Variants in PLXNA4 observed in about 807,000 individuals in gnomAD.
PLXNA4 encodes the protein plexin A4, also known as plexin-A4.
Under a neutral mutation model 191.8 loss-of-function variants are expected in PLXNA4, and 44 were observed. The ratio of observed to expected loss-of-function variants is 0.23; its 90% CI spans 0.18 to 0.29. The LOEUF is 0.29. PLXNA4 is among the 10% of genes least tolerant of loss of function. PLXNA4 has a pLI of 1.00. For missense variants in PLXNA4, 1,800 were observed against 2,488.8 expected (o/e 0.72, Z 5.89); for synonymous variants, 1,082 against 1,009.5 (o/e 1.07, Z -1.36).
intron 24 of PLXNA4, among the ~76,000 whole-genome samples, chr7:132,163,506 G>A (rs2116644557): frequency 6.6e-6 from 1 of 152,290 alleles, no homozygotes; most frequent in South Asian, 2.1e-4. Context: ...GCAGAGCCAG[G>A]GCTCAAATCC....
intron 3 of PLXNA4, among the ~76,000 whole-genome samples, chr7:132,326,108 G>C (rs564529624): frequency 6.6e-6 from 1 of 152,258 alleles, no homozygotes; most frequent in Middle Eastern, 3.4e-3. Flanking sequence ...GTGAGGGGGG[G>C]TCTCTACCAA....
chr7:132,377,566 G>A (rs1406850417), intron 3 of PLXNA4, among the ~76,000 whole-genome samples: 1 of 152,122 alleles, frequency 6.6e-6, no homozygotes, highest in East Asian at 1.9e-4. Flanking sequence ...CATCTGATTG[G>A]GCAGCACAGA....
chr7:132,163,601 C>A (rs1796012762), intron 24 of PLXNA4, among the ~76,000 whole-genome samples: 1 of 152,158 alleles, frequency 6.6e-6, no homozygotes, highest in South Asian at 2.1e-4. Flanking sequence ...GGTGAGGGAG[C>A]CTGACCTTGA....
At chr7:132,588,926 G>A (rs1195232063) in intron 2 of PLXNA4, among the ~76,000 whole-genome samples, 1 of 151,786 alleles carries the variant, frequency 6.6e-6, no homozygotes, top group Non-Finnish European at 1.5e-5. Context: ...AGAGAGGAGT[G>A]ATGATGACAA....
intron 4 of PLXNA4, among the ~76,000 whole-genome samples, chr7:132,245,741 A>ATT (rs1389645982): frequency 6.6e-6 from 1 of 152,224 alleles, no homozygotes; most frequent in African/African-American, 2.4e-5. Flanking sequence ...ACAATGGAAT[A>ATT]TTATTCAGCC....
At chr7:132,555,708 A>T (rs969766324) in intron 1 of PLXNA4, among the ~76,000 whole-genome samples, 1 of 152,196 alleles carries the variant, frequency 6.6e-6, no homozygotes, top group African/African-American at 2.4e-5. Context: ...TGATGTCTGT[A>T]AATTACTTTA....
chr7:132,566,910 C>A (rs1459408816), intron 1 of PLXNA4, among the ~76,000 whole-genome samples: 1 of 152,222 alleles, frequency 6.6e-6, no homozygotes, highest in Non-Finnish European at 1.5e-5. Context: ...CAAGTCCCTA[C>A]AAGTCCCTAT....
chr7:132,565,765 G>C (rs1040192091), intron 1 of PLXNA4, among the ~76,000 whole-genome samples: 1 of 149,440 alleles, frequency 6.7e-6, no homozygotes, highest in Non-Finnish European at 1.5e-5. Context: ...TTTGAAAAAA[G>C]AAAAAAAAAT....
chr7:132,634,896 G>A lies in PLXNA4; in HGVS notation c.-87+11032C>T, dbSNP rs570218933. The stretch of plus-strand genomic sequence containing the variant: ...ATTAACATTTGAGTCAGTGGGCCAG[G>A]AAAGGCAGGCCCACCCTTAATCTGG... On this transcript the variant is annotated intron_variant, in intron 2 of 4. Coordinates refer to the PLXNA4 transcript ENST00000378539. Among the ~76,000 whole-genome samples, 113 of 152,288 alleles carry A rather than the reference G, an allele frequency of 7.4e-4. 1 individual carries two copies. In the South Asian group the frequency reaches 0.022, roughly 29 times the overall value.
At chr7:132,515,679 T>C (rs1798910476) in intron 1 of PLXNA4, among the ~76,000 whole-genome samples, 1 of 152,224 alleles carries the variant, frequency 6.6e-6, no homozygotes, top group Non-Finnish European at 1.5e-5. Context: ...AACACTTCCC[T>C]ATCTGCTGAG....
intron 30 of PLXNA4, among the ~76,000 whole-genome samples, chr7:132,138,091 C>T (rs1217267689): frequency 6.6e-6 from 1 of 152,092 alleles, no homozygotes; most frequent in South Asian, 2.1e-4. Context: ...TGCCATTCAA[C>T]CAAGAGTTAT....
intron 3 of PLXNA4, among the ~76,000 whole-genome samples, chr7:132,380,636 A>C (rs528529140): frequency 1.3e-5 from 2 of 152,204 alleles, no homozygotes; most frequent in Non-Finnish European, 2.9e-5. Context: ...GCAGAAAAAG[A>C]GACAGGACGA....
intron 12 of PLXNA4, among the ~76,000 whole-genome samples, 160 bp downstream of exon 12, chr7:132,202,486 C>T (rs557511867): frequency 3.3e-5 from 5 of 152,292 alleles, no homozygotes; most frequent in Admixed American, 2.0e-4. Flanking sequence ...CTGGGGAAGC[C>T]GTGAAGAAAA....
intron 1 of PLXNA4, among the ~76,000 whole-genome samples, chr7:132,540,737 G>A (rs1323753599): frequency 2.0e-5 from 3 of 151,054 alleles, no homozygotes; most frequent in Middle Eastern, 3.4e-3. Context: ...ACAGGCGCCC[G>A]CCACCGCGCC....
At chr7:132,228,876 C>T (rs1432620120) in intron 5 of PLXNA4, among the ~76,000 whole-genome samples, 2 of 152,134 alleles carry the variant, frequency 1.3e-5, no homozygotes, top group Non-Finnish European at 2.9e-5. Flanking sequence ...AGTTCTTCTG[C>T]TGGACTTCCT....
intron 3 of PLXNA4, among the ~76,000 whole-genome samples, chr7:132,333,979 A>AGCAG (rs553480155): frequency 5.3e-5 from 8 of 152,168 alleles, no homozygotes; most frequent in Admixed American, 3.9e-4. Context: ...CTTTGAACAA[A>AGCAG]GCAGCATTTT....
chr7:132,186,827 C>A (rs1351660039), intron 15 of PLXNA4, among the ~76,000 whole-genome samples: 3 of 152,124 alleles, frequency 2.0e-5, no homozygotes, highest in African/African-American at 4.8e-5. Context: ...CTGAAACAAA[C>A]CCCCTCTTTG....
intron 2 of PLXNA4, among the ~76,000 whole-genome samples, chr7:132,589,142 A>G (rs1585389318): frequency 6.6e-6 from 1 of 152,212 alleles, no homozygotes; most frequent in South Asian, 2.1e-4. Flanking sequence ...TGCAGATCAA[A>G]GTTGTTTCAG....
chr7:132,215,535 T>C (rs546776604), intron 9 of PLXNA4, among the ~76,000 whole-genome samples: 1 of 152,326 alleles, frequency 6.6e-6, no homozygotes, highest in African/African-American at 2.4e-5. Context: ...CAGCAAGCCC[T>C]TTTCCACTAT....
Sources: allele counts gnomAD v4.1 joint callset (sites outside exome capture counted in the v4.1 genomes callset), GRCh38; gene constraint gnomAD v4.1.1; transcripts MANE v1.5; gene names NCBI Gene and HGNC (gene_info 2026-07-23, HGNC 2026-07-21).